The following MED25 variants were observed in gnomAD, a reference collection of about 807,000 sequenced individuals.
The protein encoded by MED25 is mediator complex subunit 25.
A neutral mutation model predicts 89.4 loss-of-function variants in MED25; 62 were observed. The ratio of observed to expected loss-of-function variants is 0.69; its 90% CI spans 0.57 to 0.86. The LOEUF (loss-of-function observed/expected upper bound fraction) is 0.86. Ranked by LOEUF, MED25 falls within the 40% of genes least tolerant of loss-of-function variation. The pLI, the probability that MED25 is intolerant of heterozygous loss-of-function variation, is 0.00. For synonymous variants in MED25, 449 were observed against 427.9 expected (o/e 1.05, Z -0.61); for missense variants, 905 against 1,005.2 (o/e 0.90, Z 1.35).
At chr19:49,821,255 C>G (rs185791780) in intron 3 of MED25, among the ~76,000 whole-genome samples, 123 of 152,242 alleles carry the variant, frequency 8.1e-4, no homozygotes, top group African/African-American at 2.9e-3. Context: ...ATTGAGGGAC[C>G]CAATAGAGAG....
chr19:49,830,977 G>A lies in MED25; in HGVS notation c.1101+90G>A, dbSNP rs1307064642. ...AGGATGAGTCATTTGCCTTCCAGGGGGATGTGGCTCTCGTGGTTCTGGGGC... is the reference window on the plus strand; with the variant it reads ...AGGATGAGTCATTTGCCTTCCAGGGAGATGTGGCTCTCGTGGTTCTGGGGC... On this transcript the variant is annotated intron_variant, in intron 9 of 17. Coordinates refer to ENST00000312865, the MANE Select transcript of MED25 (RefSeq NM_030973.4). The surrounding 1 kb of genome is among the most constrained non-coding windows in gnomAD (Gnocchi z 4.6). 7 of 1,402,514 alleles carry A rather than the reference G, an allele frequency of 5.0e-6. No homozygotes were observed. Among genetic ancestry groups the A allele is most frequent in the Non-Finnish European group, 7.0e-6 (7 of 1,002,446 alleles). The allele number at this position is 1,402,514 out of a possible 1,614,324, so 86.9% of individuals were successfully genotyped here.
downstream of MED25, among the ~76,000 whole-genome samples, chr19:49,838,146 G>A (rs1355260422): frequency 6.6e-6 from 1 of 152,158 alleles, no homozygotes; most frequent in Non-Finnish European, 1.5e-5. Flanking sequence ...GCTGGTTAAC[G>A]TACAGATTCA....
downstream of MED25, chr19:49,839,583 T>TTC (rs1003060462): frequency 6.6e-6 from 1 of 152,242 alleles, no homozygotes; most frequent in Non-Finnish European, 1.5e-5. Context: ...CCACAGTGGG[T>TTC]TCCCCTGAGA....
chr19:49,827,879 T>C (rs1422570086), intron 3 of MED25, among the ~76,000 whole-genome samples: 1 of 151,992 alleles, frequency 6.6e-6, no homozygotes, highest in African/African-American at 2.4e-5. Context: ...CAGCACAGGA[T>C]CCTAGGCTTG....
At chr19:49,839,462 G>C (rs927504959), downstream of MED25, 1 of 152,704 alleles carries the variant, frequency 6.5e-6, no homozygotes, top group Non-Finnish European at 1.5e-5. Flanking sequence ...TCACGAGTGA[G>C]TTGATGGTGA....
In MED25 at chr19:49,829,082, A is replaced by C. The variant is rs755457408; in HGVS notation, c.517A>C (p.Ile173Leu). The change falls in exon 5 of 18, where the codon ATT becomes CTT. Residue 173 changes from isoleucine (I) to leucine (L), a missense_variant. Transcript: ENST00000312865. The surrounding 1 kb of genome is among the most constrained non-coding windows in gnomAD (Gnocchi z 4.6). ...CACAACTGAGAATCTTGTGCAGCAGATTGGGGAGGTGAGGACTCCAGGGTC... is the reference window on the plus strand; with the variant it reads ...CACAACTGAGAATCTTGTGCAGCAGCTTGGGGAGGTGAGGACTCCAGGGTC... Reference protein sequence around the residue: ...GCTTENLVQQIGERGIHFSIV... With the variant: ...GCTTENLVQQLGERGIHFSIV... 1.2e-6 allele frequency: 2 copies of C among 1,613,628 alleles called. No individual in the cohort carries two copies. Among genetic ancestry groups the C allele is most frequent in the South Asian group, 2.2e-5 (2 of 91,062 alleles).
Position 49,829,673 on chromosome 19 carries a change from G to A in MED25, c.526-113G>A, listed in dbSNP as rs922772210. 2.4e-5 allele frequency: 27 copies of A among 1,146,962 alleles called. No individual in the cohort carries two copies. The highest frequency in any genetic ancestry group is 1.1e-4 in the Admixed American group (5 of 45,486). 71.0% of individuals were successfully genotyped at this position (1,146,962 alleles called of 1,614,324 possible). Reference sequence around the variant, plus strand: ...CCTGCCTCAAAGCCCAATGGGAATTGTGGTTGTAGGGCTGGTGCCGTCCAG... The same window carrying A: ...CCTGCCTCAAAGCCCAATGGGAATTATGGTTGTAGGGCTGGTGCCGTCCAG... On this transcript the variant is annotated intron_variant, in intron 5 of 17. Coordinates refer to ENST00000312865, the MANE Select transcript of MED25 (RefSeq NM_030973.4). The surrounding 1 kb of genome is among the most constrained non-coding windows in gnomAD (Gnocchi z 4.6).
At chr19:49,838,157 C>T (rs1251959681), downstream of MED25, among the ~76,000 whole-genome samples, 2 of 152,164 alleles carry the variant, frequency 1.3e-5, no homozygotes, top group Non-Finnish European at 1.5e-5. Flanking sequence ...TACAGATTCA[C>T]GGGCCCCACC....
rs968448750 is a variant in MED25 at position 49,836,340 on chromosome 19, C to T, written c.2080C>T (p.Pro694Ser). The T allele has an allele frequency of 6.2e-7, 1 of 1,609,614 alleles. No homozygotes were observed. Among genetic ancestry groups the T allele is most frequent in the African/African-American group, 1.3e-5 (1 of 74,886 alleles). The change falls in exon 17 of 18, where the codon CCA (proline) becomes TCA (serine). Residue 694 changes from proline (P) to serine (S), a missense_variant. Around this residue, in one of 3 missense-constraint regions of MED25, gnomAD observed 271 missense variants for 258.1 expected, o/e 1.05. Coordinates refer to ENST00000312865, the MANE Select transcript of MED25 (RefSeq NM_030973.4). This position sits in a 1 kb window ranked among gnomAD's most constrained non-coding sequence, Gnocchi z 5.1. Reference sequence around the variant, plus strand: ...CCTGGGGCAGCCCCAGTTGGGGCCCCCACTCCTGCATCCACCACCTGCCCA... The same window carrying T: ...CCTGGGGCAGCCCCAGTTGGGGCCCTCACTCCTGCATCCACCACCTGCCCA... ...QGLGQPQLGP[P>S]LLHPPPAQSW...
chr19:49,819,992 A>ATTTTTTT (rs34513218), intron 3 of MED25: 1 of 140,076 alleles, frequency 7.1e-6, no homozygotes. Flanking sequence ...TGCCCAGCTA[A>ATTTTTTT]TTTTTTTTTT....
intron 3 of MED25, among the ~76,000 whole-genome samples, chr19:49,821,168 C>T (rs1342973054): frequency 1.3e-5 from 2 of 152,142 alleles, no homozygotes; most frequent in Non-Finnish European, 2.9e-5. Context: ...CCCAAGGTGG[C>T]GAGTCTGTGG....
In MED25 at chr19:49,836,111, CT is replaced by C. The variant is rs929327224; in HGVS notation, c.1966-112del. On this transcript the variant is annotated intron_variant, in intron 16 of 17. Coordinates refer to ENST00000312865, the MANE Select transcript of MED25 (RefSeq NM_030973.4). The surrounding 1 kb of genome is among the most constrained non-coding windows in gnomAD (Gnocchi z 5.1). Reference sequence around the variant, plus strand: ...CGCCTCCTCTCCGTCCATCCCCCACCTTTGAAGAAAAACTTCCCCTCACCAC... The same window carrying C: ...CGCCTCCTCTCCGTCCATCCCCCACCTTGAAGAAAAACTTCCCCTCACCAC... 1.1e-4 allele frequency: 164 copies of C among 1,518,546 alleles called. 1 individual carries two copies. Among genetic ancestry groups the C allele is most frequent in the South Asian group, 9.8e-4 (83 of 84,746 alleles). The allele number at this position is 1,518,546 out of a possible 1,614,324, so 94.1% of individuals were successfully genotyped here.
intron 3 of MED25, among the ~76,000 whole-genome samples, chr19:49,824,490 T>G (rs906717798): frequency 1.3e-5 from 2 of 149,764 alleles, no homozygotes; most frequent in African/African-American, 4.9e-5. Flanking sequence ...GAGGCTGAGG[T>G]AGGAGGATCA....
In MED25 at chr19:49,829,638, T is replaced by G; in HGVS notation, c.526-148T>G. ...TCTCCCGGGGCAGGTGATACCTGGT[T>G]TCAGGGTCTCCTGCCTCAAAGCCCA... On this transcript the variant is annotated intron_variant, in intron 5 of 17. Transcript: ENST00000312865. The surrounding 1 kb of genome is among the most constrained non-coding windows in gnomAD (Gnocchi z 4.6). 1 of 828,248 alleles carries G rather than the reference T, an allele frequency of 1.2e-6. No individual in the cohort carries two copies. Among genetic ancestry groups the G allele is most frequent in the Non-Finnish European group, 1.9e-6 (1 of 530,522 alleles). 51.3% of individuals were successfully genotyped at this position (828,248 alleles called of 1,614,324 possible). A position where few individuals can be genotyped will look rare whatever the true frequency, so the allele number is the denominator to read the frequency against.
In MED25 at chr19:49,830,387, G is replaced by A; in HGVS notation, c.820-124G>A. On this transcript the variant is annotated intron_variant, in intron 7 of 17. Transcript: ENST00000312865. The surrounding 1 kb of genome is among the most constrained non-coding windows in gnomAD (Gnocchi z 4.6). The stretch of plus-strand genomic sequence containing the variant: ...GAAGCTCATGTGCTGTGTGATGGGT[G>A]TTGTGAGCTAAGCTATCCCAGCTGG... 8.5e-7 allele frequency: 1 copy of A among 1,174,946 alleles called. No homozygotes were observed. The highest frequency in any genetic ancestry group is 1.3e-5 in the South Asian group (1 of 78,688). The allele number at this position is 1,174,946 out of a possible 1,614,324, so 72.8% of individuals were successfully genotyped here. A position where few individuals can be genotyped will look rare whatever the true frequency, so the allele number is the denominator to read the frequency against.
chr19:49,831,886 G>T lies in MED25; in HGVS notation c.1231-50G>T, dbSNP rs1427502312. On this transcript the variant is annotated intron_variant, in intron 10 of 17. Coordinates refer to ENST00000312865, the MANE Select transcript of MED25 (RefSeq NM_030973.4). This position sits in a 1 kb window ranked among gnomAD's most constrained non-coding sequence, Gnocchi z 5.0. ...AGGGTAGGACATGAGGGCTCAAGGG[G>T]ACTGAGGCTTATGGCCCTTTTTACT... is the stretch of plus-strand genomic sequence containing the variant. 1.3e-6 allele frequency: 2 copies of T among 1,537,402 alleles called. No homozygotes were observed. Among genetic ancestry groups the T allele is most frequent in the South Asian group, 2.2e-5 (2 of 89,472 alleles).
At chr19:49,822,926 C>T (rs181439900) in intron 3 of MED25, among the ~76,000 whole-genome samples, 2 of 152,158 alleles carry the variant, frequency 1.3e-5, no homozygotes, top group Admixed American at 1.3e-4. Context: ...GGATTACAGG[C>T]GTGAGCCACC....
chr19:49,820,707 C>T (rs1203325966), intron 3 of MED25, among the ~76,000 whole-genome samples: 1 of 152,214 alleles, frequency 6.6e-6, no homozygotes, highest in Non-Finnish European at 1.5e-5. Context: ...GACAAGTCAG[C>T]CTAATACATA....
chr19:49,836,749 G>T lies in MED25; in HGVS notation c.2147-98G>T. 1.1e-6 allele frequency: 1 copy of T among 892,992 alleles called. No individual in the cohort carries two copies. The highest frequency in any genetic ancestry group is 1.8e-6 in the Non-Finnish European group (1 of 544,026). The allele number at this position is 892,992 out of a possible 1,614,324, so 55.3% of individuals were successfully genotyped here. ...GATGGGGCCAGAAGGTGCTTCTGTT[G>T]GGTCCCCCAAGGGCTGCCTAGAAAA... On this transcript the variant is annotated intron_variant, in intron 17 of 17. Coordinates refer to ENST00000312865, the MANE Select transcript of MED25 (RefSeq NM_030973.4). This position sits in a 1 kb window ranked among gnomAD's most constrained non-coding sequence, Gnocchi z 5.1.
Sources: gnomAD v4.1 joint callset for allele counts (sites outside exome capture counted in the v4.1 genomes callset) on GRCh38, gnomAD v4.1.1 for gene constraint, gnomAD v4.1.1 regional missense constraint, Gnocchi (gnomAD v3.1) non-coding constraint, MANE v1.5 for transcripts, NCBI Gene and HGNC (gene_info 2026-07-23, HGNC 2026-07-21) for gene names.